Variants in STAG1 observed in about 807,000 individuals in gnomAD.
The protein encoded by STAG1 is cohesin subunit SA-1.
STAG1 carries 26 observed loss-of-function variants against 170.9 expected under a neutral mutation model. The ratio of observed to expected loss-of-function variants is 0.15; its 90% CI spans 0.11 to 0.21. STAG1 has a LOEUF of 0.21. Among genes scored for constraint, STAG1 ranks in the 10% least tolerant of loss-of-function variants. The pLI is 1.00. For synonymous variants in STAG1, 514 were observed against 497.7 expected, an observed-to-expected ratio of 1.03 and a Z score of -0.44; for missense variants, 964 against 1,509.5, an observed-to-expected ratio of 0.64 and a Z score of 5.99.
At chr3:136,730,052 C>T (rs553009498) in intron 1 of STAG1, among the ~76,000 whole-genome samples, 1 of 151,970 alleles carries the variant, frequency 6.6e-6, no homozygotes, top group Admixed American at 6.6e-5. Context: ...CTACGCCCGG[C>T]TAATTGTGGT....
intron 21 of STAG1, among the ~76,000 whole-genome samples, chr3:136,410,068 T>TAAAAAAAAAAAAAAAAAAA (rs766763989): frequency 1.1e-5 from 1 of 93,074 alleles, no homozygotes; most frequent in African/African-American, 4.3e-5. Flanking sequence ...AGTCCTTGTC[T>TAAAAAAAAAAAAAAAAAAA]AAAAAAAAAA....
At chr3:136,387,593 C>G (rs16843978) in intron 22 of STAG1, among the ~76,000 whole-genome samples, 24,429 of 152,156 alleles carry the variant, frequency 0.16, 3,164 homozygotes, top group African/African-American at 0.36. Context: ...TTGTTTTCTT[C>G]TAAGAGTAAT....
chr3:136,509,926 AAG>A (rs1435277187), intron 7 of STAG1, among the ~76,000 whole-genome samples: 1 of 152,258 alleles, frequency 6.6e-6, no homozygotes, highest in Non-Finnish European at 1.5e-5. Context: ...TAGATTTTTA[AAG>A]AGAGAGGTGA....
In STAG1 at chr3:136,339,403, G is replaced by T. The variant is rs192726809; in HGVS notation, c.3673-953C>A. Reference sequence around the variant, plus strand: ...CTGGGTATGGTGGCATGTGCCTATAGTGCCAGCTATTTGGGAGGCTGAGGC... The same window carrying T: ...CTGGGTATGGTGGCATGTGCCTATATTGCCAGCTATTTGGGAGGCTGAGGC... On this transcript the variant is annotated intron_variant, in intron 32 of 33. Transcript: ENST00000383202. 9.7e-4 allele frequency among the ~76,000 whole-genome samples: 148 copies of T among 152,240 alleles called. 1 individual carries two copies. Among genetic ancestry groups the T allele is most frequent in the African/African-American group, 3.5e-3 (145 of 41,548 alleles).
chr3:136,377,170 C>A (rs1249533159), intron 23 of STAG1, among the ~76,000 whole-genome samples: 1 of 148,114 alleles, frequency 6.8e-6, no homozygotes, highest in African/African-American at 2.5e-5. Flanking sequence ...GAGGCTGAGG[C>A]GGGCTGATCA....
At chr3:136,640,901 C>T (rs2107846335) in intron 1 of STAG1, among the ~76,000 whole-genome samples, 1 of 152,288 alleles carries the variant, frequency 6.6e-6, no homozygotes, top group Middle Eastern at 3.4e-3. Flanking sequence ...TCTCCAACTC[C>T]TCACCTCAGG....
At chr3:136,505,102 G>A (rs1933691201) in intron 7 of STAG1, among the ~76,000 whole-genome samples, 1 of 152,146 alleles carries the variant, frequency 6.6e-6, no homozygotes, top group African/African-American at 2.4e-5. Flanking sequence ...GGATTATGAT[G>A]TTTTAATTGA....
intron 26 of STAG1, among the ~76,000 whole-genome samples, chr3:136,360,928 A>C (rs1576388945): frequency 6.6e-6 from 1 of 152,178 alleles, no homozygotes; most frequent in Non-Finnish European, 1.5e-5. Context: ...TCAGCCTCCC[A>C]AAGTGCTGGG....
intron 1 of STAG1, among the ~76,000 whole-genome samples, chr3:136,653,061 T>G (rs1576718752): frequency 6.6e-6 from 1 of 151,914 alleles, no homozygotes; most frequent in African/African-American, 2.4e-5. Flanking sequence ...ATACCTGAGG[T>G]CAGGAGTTTG....
intron 7 of STAG1, among the ~76,000 whole-genome samples, chr3:136,510,220 C>G (rs968339983): frequency 6.6e-6 from 1 of 152,184 alleles, no homozygotes; most frequent in Non-Finnish European, 1.5e-5. Flanking sequence ...AAAGCGGGAC[C>G]AGGTGGAGGT....
At chr3:136,548,187 C>T (rs1936240253) in intron 5 of STAG1, among the ~76,000 whole-genome samples, 1 of 151,536 alleles carries the variant, frequency 6.6e-6, no homozygotes, top group African/African-American at 2.4e-5. Context: ...GATCATGGCT[C>T]ACTGCAGCCT....
At chr3:136,440,168 C>A (rs892032864) in intron 15 of STAG1, among the ~76,000 whole-genome samples, 1 of 151,952 alleles carries the variant, frequency 6.6e-6, no homozygotes, top group Non-Finnish European at 1.5e-5. Flanking sequence ...GATGGAGTCT[C>A]ACACTGTCAC....
rs946312928 is a variant in STAG1 at position 136,664,454 on chromosome 3, C to T, written c.-83-33473G>A. Among the ~76,000 whole-genome samples, 6 of 152,096 alleles carry T rather than the reference C, an allele frequency of 3.9e-5. No homozygotes were observed. The East Asian group carries it at 7.7e-4, about 20-fold the overall frequency. On this transcript the variant is annotated intron_variant, in intron 1 of 33. Coordinates refer to ENST00000383202, the MANE Select transcript of STAG1 (RefSeq NM_005862.3). Reference sequence around the variant, plus strand: ...AAAGCATTCCACTCCCAAAATAAGGCATGATTATTTTAGCAATTGGGGGTA... The same window carrying T: ...AAAGCATTCCACTCCCAAAATAAGGTATGATTATTTTAGCAATTGGGGGTA...
intron 22 of STAG1, among the ~76,000 whole-genome samples, chr3:136,387,279 T>A (rs1314134206): frequency 6.6e-6 from 1 of 152,214 alleles, no homozygotes; most frequent in Non-Finnish European, 1.5e-5. Flanking sequence ...CATGGTTGTG[T>A]TCCAATAAAA....
chr3:136,621,750 T>C (rs1163155754), intron 3 of STAG1, among the ~76,000 whole-genome samples: 1 of 151,530 alleles, frequency 6.6e-6, no homozygotes, highest in Non-Finnish European at 1.5e-5. Context: ...GAGGGAAAAA[T>C]GACTTAACTT....
At chr3:136,700,084 A>T (rs1943006898) in intron 1 of STAG1, among the ~76,000 whole-genome samples, 1 of 151,242 alleles carries the variant, frequency 6.6e-6, no homozygotes, top group Non-Finnish European at 1.5e-5. Context: ...GAAACCATTT[A>T]TTCTTCCCTT....
chr3:136,619,258 C>T (rs905009854), intron 3 of STAG1, among the ~76,000 whole-genome samples: 4 of 150,262 alleles, frequency 2.7e-5, no homozygotes, highest in Non-Finnish European at 4.4e-5. Context: ...ACACCATTCA[C>T]TCATTAAACA....
chr3:136,344,674 C>T (rs1315543237), intron 29 of STAG1, among the ~76,000 whole-genome samples: 3 of 152,110 alleles, frequency 2.0e-5, no homozygotes, highest in Non-Finnish European at 2.9e-5. Context: ...AGTGCAGTGG[C>T]GTGATCTCGG....
At chr3:136,561,483 T>C (rs1397532714) in intron 5 of STAG1, among the ~76,000 whole-genome samples, 1 of 152,220 alleles carries the variant, frequency 6.6e-6, no homozygotes, top group Non-Finnish European at 1.5e-5. Flanking sequence ...TCCCCCTCAC[T>C]TTTGTCTTGA....
Sources: allele counts gnomAD v4.1 joint callset (sites outside exome capture counted in the v4.1 genomes callset), GRCh38; gene constraint gnomAD v4.1.1; transcripts MANE v1.5; gene names NCBI Gene and HGNC (gene_info 2026-07-23, HGNC 2026-07-21).